Variants in ATP7B observed in about 807,000 individuals in gnomAD.
The protein encoded by ATP7B is ATPase copper transporting beta.
A neutral mutation model predicts 118.9 loss-of-function variants in ATP7B; 113 were observed. The ratio of observed to expected loss-of-function variants is 0.95; its 90% CI spans 0.82 to 1.11. The LOEUF is 1.11. ATP7B is among the 50% of genes most tolerant of loss of function. ATP7B has a pLI of 0.00. For missense variants in ATP7B, 1,867 were observed against 1,871.4 expected (o/e 1.00, Z 0.04); for synonymous variants, 777 against 727.4 (o/e 1.07, Z -1.10).
intron 4 of ATP7B, among the ~76,000 whole-genome samples, chr13:51,966,268 C>T (rs1013460806): frequency 2.0e-5 from 3 of 152,324 alleles, no homozygotes; most frequent in Non-Finnish European, 4.4e-5. Context: ...TGTCCAAAGT[C>T]GCGCAACTAG....
intron 13 of ATP7B, among the ~76,000 whole-genome samples, chr13:51,945,755 C>T (rs995527165): frequency 1.3e-5 from 2 of 152,186 alleles, no homozygotes; most frequent in Admixed American, 6.5e-5. Flanking sequence ...AGGGCTCACA[C>T]GCAGTGAGTG....
chr13:51,995,803 G>A (rs919611055), intron 1 of ATP7B, among the ~76,000 whole-genome samples: 1 of 152,082 alleles, frequency 6.6e-6, no homozygotes, highest in African/African-American at 2.4e-5. Context: ...CCCAGCACTT[G>A]GCACCCTCTC....
intron 1 of ATP7B, among the ~76,000 whole-genome samples, chr13:51,976,919 G>A (rs1566611681): frequency 6.6e-6 from 1 of 152,186 alleles, no homozygotes; most frequent in Non-Finnish European, 1.5e-5. Flanking sequence ...TAGATGTGAA[G>A]ACTTAGGACA....
At chr13:51,964,084 C>T (rs1267082002) in intron 5 of ATP7B, among the ~76,000 whole-genome samples, 1 of 150,828 alleles carries the variant, frequency 6.6e-6, no homozygotes, top group Non-Finnish European at 1.5e-5. Flanking sequence ...TCCCAGGCCA[C>T]ATAACAGACA....
intron 1 of ATP7B, 125 bp downstream of exon 1, chr13:52,011,162 G>A (rs1185295642): frequency 2.9e-6 from 4 of 1,388,598 alleles, no homozygotes; most frequent in African/African-American, 1.4e-5. Context: ...AGACATCCCT[G>A]GAGCTGGGGT....
At chr13:52,000,295 C>A (rs530445324) in intron 1 of ATP7B, among the ~76,000 whole-genome samples, 3 of 152,340 alleles carry the variant, frequency 2.0e-5, no homozygotes, top group Non-Finnish European at 4.4e-5. Context: ...CTGTTCTTTG[C>A]TTCACAGATG....
chr13:51,973,198 G>C (rs142912909), intron 2 of ATP7B, among the ~76,000 whole-genome samples: 1 of 152,108 alleles, frequency 6.6e-6, no homozygotes, highest in Non-Finnish European at 1.5e-5. Flanking sequence ...AAAATCTTTT[G>C]AGAAGGTGAT....
intron 7 of ATP7B, 163 bp downstream of exon 7, chr13:51,959,985 T>C: frequency 2.0e-6 from 2 of 986,716 alleles, no homozygotes; most frequent in Non-Finnish European, 3.1e-6. Context: ...CTACTGGTCA[T>C]TAAGAGAGAA....
chr13:51,954,220 C>G (rs1958194403), intron 9 of ATP7B, among the ~76,000 whole-genome samples: 2 of 152,228 alleles, frequency 1.3e-5, no homozygotes, highest in South Asian at 4.1e-4. Context: ...GAGGCAGTCC[C>G]TTCCTGGGAC....
At chr13:52,006,317 G>A (rs1953770178) in intron 1 of ATP7B, among the ~76,000 whole-genome samples, 1 of 152,168 alleles carries the variant, frequency 6.6e-6, no homozygotes, top group Admixed American at 6.5e-5. Flanking sequence ...TGTGTGTCAC[G>A]TAAAGAAGCA....
intron 1 of ATP7B, among the ~76,000 whole-genome samples, chr13:51,994,486 T>C (rs1593851036): frequency 6.6e-6 from 1 of 152,208 alleles, no homozygotes; most frequent in African/African-American, 2.4e-5. Context: ...AAAAACACTT[T>C]TAATATTTTA....
intron 5 of ATP7B, among the ~76,000 whole-genome samples, chr13:51,964,579 T>C (rs1255649379): frequency 1.3e-5 from 2 of 152,226 alleles, no homozygotes; most frequent in African/African-American, 4.8e-5. Flanking sequence ...TTTAACCCTA[T>C]GTACAGGGTA....
Position 51,959,112 on chromosome 13 carries a change from T to C in ATP7B, c.2122-568A>G, listed in dbSNP as rs143203706. ...ACCATAGCAACACTGGGGAATGAGA[T>C]TGGGCGGGAGGCAGAATGTGATCAG... On this transcript the variant is annotated intron_variant, in intron 7 of 20. Coordinates refer to ENST00000242839, the MANE Select transcript of ATP7B (RefSeq NM_000053.4). The C allele has an allele frequency of 3.0e-4, 49 of 161,140 alleles. No individual in the cohort carries two copies. In the East Asian group the frequency reaches 7.6e-3, roughly 25 times the overall value. The allele number at this position is 161,140 out of a possible 1,614,324, so 10.0% of individuals were successfully genotyped here. A position where few individuals can be genotyped will look rare whatever the true frequency, so the allele number is the denominator to read the frequency against.
At chr13:52,009,399 C>T (rs1360541133) in intron 1 of ATP7B, among the ~76,000 whole-genome samples, 2 of 152,154 alleles carry the variant, frequency 1.3e-5, no homozygotes, top group African/African-American at 4.8e-5. Flanking sequence ...AGGGCTGCTA[C>T]CTGTGAGGTT....
intron 3 of ATP7B, 50 bp downstream of exon 3, chr13:51,970,442 G>A (rs1005165954): frequency 7.4e-6 from 12 of 1,612,140 alleles, no homozygotes; most frequent in African/African-American, 4.0e-5. Flanking sequence ...GGGAGAATAC[G>A]AGGTCTATAC....
chr13:52,007,143 G>A (rs1409078224), intron 1 of ATP7B, among the ~76,000 whole-genome samples: 1 of 152,080 alleles, frequency 6.6e-6, no homozygotes, highest in Non-Finnish European at 1.5e-5. Context: ...CAACTGTGGT[G>A]CACCTACATG....
At chr13:52,010,350 T>C (rs949751655) in intron 1 of ATP7B, among the ~76,000 whole-genome samples, 6 of 152,212 alleles carry the variant, frequency 3.9e-5, no homozygotes, top group African/African-American at 1.4e-4. Context: ...AACAGCCTAC[T>C]GTTCTGTCCA....
intron 12 of ATP7B, among the ~76,000 whole-genome samples, chr13:51,946,850 A>G (rs1957697176): frequency 6.6e-6 from 1 of 152,264 alleles, no homozygotes; most frequent in Non-Finnish European, 1.5e-5. Context: ...TGAATGAGGC[A>G]ATACACATAT....
At chr13:51,995,304 T>A in intron 1 of ATP7B, 1 of 985,360 alleles carries the variant, frequency 1.0e-6, no homozygotes, top group Non-Finnish European at 1.2e-6. Context: ...CCATCTGCAA[T>A]TGCACTGACC....
Sources: gnomAD v4.1 joint callset for allele counts (sites outside exome capture counted in the v4.1 genomes callset) on GRCh38, gnomAD v4.1.1 for gene constraint, MANE v1.5 for transcripts, NCBI Gene and HGNC (gene_info 2026-07-23, HGNC 2026-07-21) for gene names.